The following PCNX2 variants were observed in gnomAD, a reference collection of about 807,000 sequenced individuals.
The protein encoded by PCNX2 is pecanex-like protein 2.
PCNX2 carries 168 observed loss-of-function variants against 223.8 expected under a neutral mutation model. That is an observed-to-expected ratio of 0.75 (90% CI 0.66 to 0.85). The LOEUF (loss-of-function observed/expected upper bound fraction) is 0.85. Among genes scored for constraint, PCNX2 ranks in the 40% least tolerant of loss-of-function variants. PCNX2 has a pLI of 0.00. For missense variants in PCNX2, 2,507 were observed against 2,675.5 expected (o/e 0.94, Z 1.39); for synonymous variants, 1,006 against 1,052.6 (o/e 0.96, Z 0.86).
At chr1:233,264,028 G>C (rs981218293) in intron 1 of PCNX2, among the ~76,000 whole-genome samples, 1 of 152,150 alleles carries the variant, frequency 6.6e-6, no homozygotes, top group African/African-American at 2.4e-5. Context: ...AAAAGGAAGA[G>C]GGATATTTCC....
chr1:233,150,049 G>A (rs1385290938), intron 19 of PCNX2, among the ~76,000 whole-genome samples: 1 of 151,820 alleles, frequency 6.6e-6, no homozygotes, highest in African/African-American at 2.4e-5. Flanking sequence ...ACTTTCTTCC[G>A]TGGGATGAAT....
upstream of PCNX2, among the ~76,000 whole-genome samples, chr1:233,296,623 G>A (rs1365642307): frequency 6.6e-6 from 1 of 152,198 alleles, no homozygotes; most frequent in African/African-American, 2.4e-5. Flanking sequence ...TTTGGGATGA[G>A]GAGCAGAAGC....
intron 1 of PCNX2, among the ~76,000 whole-genome samples, chr1:233,275,720 G>A (rs1660870849): frequency 6.6e-6 from 1 of 152,086 alleles, no homozygotes; most frequent in South Asian, 2.1e-4. Flanking sequence ...CATGTACATA[G>A]CAGCATTATT....
chr1:233,269,787 T>C (rs541876325), intron 1 of PCNX2, among the ~76,000 whole-genome samples: 34 of 152,216 alleles, frequency 2.2e-4, no homozygotes, highest in African/African-American at 8.2e-4. Context: ...GCTGGGATGA[T>C]TGTGCTGTAT....
intron 1 of PCNX2, among the ~76,000 whole-genome samples, chr1:233,282,125 A>G (rs1661223376): frequency 6.6e-6 from 1 of 152,128 alleles, no homozygotes; most frequent in African/African-American, 2.4e-5. Context: ...AACAAAAAAT[A>G]ACCACAATTT....
intron 32 of PCNX2, among the ~76,000 whole-genome samples, chr1:232,996,517 T>C (rs1011048261): frequency 3.0e-5 from 4 of 132,606 alleles, no homozygotes; most frequent in Admixed American, 3.0e-4. Flanking sequence ...CAGCATGGGG[T>C]GGGTGGGGCA....
At chr1:233,051,658 A>G (rs1183013831) in intron 25 of PCNX2, among the ~76,000 whole-genome samples, 1 of 152,190 alleles carries the variant, frequency 6.6e-6, no homozygotes, top group Non-Finnish European at 1.5e-5. Flanking sequence ...GTACTAATGG[A>G]CATACAGAAG....
Position 233,258,136 on chromosome 1 carries a change from A to G in PCNX2, c.1726T>C (p.Phe576Leu), listed in dbSNP as rs747593846. The G allele has an allele frequency of 6.2e-7, 1 of 1,613,878 alleles. No individual in the cohort carries two copies. Among genetic ancestry groups the G allele is most frequent in the African/African-American group, 1.3e-5 (1 of 74,930 alleles). ...KEGQMPNESN[F>L]LEFVSLLESI... ...TCTAACAGGGAGACAAATTCCAGGAAGTTGGACTCATTTGGCATTTGTCCT... is the reference window on the plus strand; with the variant it reads ...TCTAACAGGGAGACAAATTCCAGGAGGTTGGACTCATTTGGCATTTGTCCT... The change falls in exon 5 of 34, where the codon TTC (phenylalanine) becomes CTC (leucine). Residue 576 changes from phenylalanine to leucine, a missense_variant. Phe to Leu is a conservative substitution (Grantham distance 22). Transcript: ENST00000258229.
chr1:233,129,540 C>T lies in PCNX2; in HGVS notation c.3837+5473G>A, dbSNP rs568975017. Among the ~76,000 whole-genome samples the T allele has an allele frequency of 1.8e-3, 279 of 152,330 alleles. 3 individuals carry two copies. Among genetic ancestry groups the T allele is most frequent in the Middle Eastern group, 6.8e-3 (2 of 294 alleles). ...CGGGACTGGCAGGCAGCTCCACCTG[C>T]GGCCTCAGTGTGGGATCCACTGGGT... is the stretch of plus-strand genomic sequence containing the variant. On this transcript the variant is annotated intron_variant, in intron 21 of 33. Transcript: ENST00000258229.
At chr1:233,300,607 T>C (rs1207601255), upstream of PCNX2, among the ~76,000 whole-genome samples, 1 of 152,214 alleles carries the variant, frequency 6.6e-6, no homozygotes, top group Non-Finnish European at 1.5e-5. Context: ...TGCAGAGCAG[T>C]ACAATCCCCT....
At chr1:233,239,077 T>C (rs763444809) in intron 8 of PCNX2, among the ~76,000 whole-genome samples, 36 of 152,328 alleles carry the variant, frequency 2.4e-4, no homozygotes, top group Non-Finnish European at 4.0e-4. Context: ...ATTGCAATGT[T>C]GACACAAATT....
chr1:233,267,912 C>T (rs568294088), intron 1 of PCNX2, among the ~76,000 whole-genome samples: 4 of 151,890 alleles, frequency 2.6e-5, no homozygotes, highest in South Asian at 2.1e-4. Context: ...CATGATAATT[C>T]GATGTTTAGT....
At chr1:233,195,165 T>C (rs1680652110) in intron 15 of PCNX2, among the ~76,000 whole-genome samples, 4 of 152,134 alleles carry the variant, frequency 2.6e-5, no homozygotes, top group Admixed American at 2.6e-4. Flanking sequence ...GAATGTTGGT[T>C]CTACACTGAA....
At position 233,242,613 on chromosome 1, in the gene PCNX2, C is replaced by T. The variant is rs139779621; in HGVS notation, c.2223-5633G>A. ...TATATTACTTGGATTCATTTATACA[C>T]AAAGAAATATAAATATTTGCTGAAC... On this transcript the variant is annotated intron_variant, in intron 8 of 33. Transcript: ENST00000258229. Among the ~76,000 whole-genome samples, 90 of 152,270 alleles carry T rather than the reference C, an allele frequency of 5.9e-4. 2 individuals are homozygous for T. In the East Asian group the frequency reaches 0.013, roughly 22 times the overall value.
intron 25 of PCNX2, among the ~76,000 whole-genome samples, chr1:233,030,571 CT>C (rs1196232806): frequency 6.6e-6 from 1 of 152,176 alleles, no homozygotes; most frequent in Non-Finnish European, 1.5e-5. Context: ...GTTAATTTAT[CT>C]GCCCATCAGG....
chr1:233,267,606 G>C (rs1429103606), intron 1 of PCNX2, among the ~76,000 whole-genome samples: 1 of 139,372 alleles, frequency 7.2e-6, no homozygotes, highest in African/African-American at 2.7e-5. Context: ...CATATAATTA[G>C]AATCATATAG....
intron 9 of PCNX2, among the ~76,000 whole-genome samples, chr1:233,231,319 A>T (rs1658046270): frequency 6.6e-6 from 1 of 152,202 alleles, no homozygotes. Context: ...CACAAATTTG[A>T]AAAGCAAACT....
the PCNX2 span, among the ~76,000 whole-genome samples, chr1:233,313,026 A>G: frequency 6.6e-6 from 1 of 152,216 alleles, no homozygotes; most frequent in African/African-American, 2.4e-5. Context: ...CATTATCTCA[A>G]TTTTGAAAAC....
rs1162555536 is a variant in PCNX2, at chr1:233,001,988, A to T, written c.4953-307T>A. Reference sequence around the variant, plus strand: ...GAACTGGCCTCACGTGTCCACTCAAAGTTAGAGTGCTAAAACACAGTTTCA... The same window carrying T: ...GAACTGGCCTCACGTGTCCACTCAATGTTAGAGTGCTAAAACACAGTTTCA... On this transcript the variant is annotated intron_variant, in intron 28 of 33. Transcript: ENST00000258229. The surrounding 1 kb of genome is among the most constrained non-coding windows in gnomAD (Gnocchi z 4.2). Among the ~76,000 whole-genome samples, 1 of 152,188 alleles carries T rather than the reference A, an allele frequency of 6.6e-6. No individual in the cohort carries two copies. The highest frequency in any genetic ancestry group is 2.4e-5 in the African/African-American group (1 of 41,446).
Sources: allele counts gnomAD v4.1 joint callset (sites outside exome capture counted in the v4.1 genomes callset), GRCh38; gene constraint gnomAD v4.1.1; non-coding constraint Gnocchi (gnomAD v3.1); transcripts MANE v1.5; gene names NCBI Gene and HGNC (gene_info 2026-07-23, HGNC 2026-07-21).